Variants in IQCM observed in about 807,000 individuals in gnomAD.
IQCM encodes the protein IQ domain-containing protein M.
In IQCM, 45 loss-of-function variants were observed where a neutral mutation model predicts 57.6. That is an observed-to-expected ratio of 0.78 (90% CI 0.62 to 1.00). The LOEUF is 1.00. Among genes scored for constraint, IQCM ranks in the 50% least tolerant of loss-of-function variants. The pLI is 0.00. For synonymous variants in IQCM, 148 were observed against 158.9 expected (o/e 0.93, Z 0.51); for missense variants, 468 against 511.6 (o/e 0.91, Z 0.82).
intron 12 of IQCM, among the ~76,000 whole-genome samples, chr4:149,479,850 C>G (rs1262576806): frequency 6.6e-6 from 1 of 152,180 alleles, no homozygotes; most frequent in Non-Finnish European, 1.5e-5. Context: ...GAGCCCAAGA[C>G]AGGGGCCCAA....
intron 8 of IQCM, among the ~76,000 whole-genome samples, chr4:149,595,519 GT>G (rs1327345612): frequency 1.3e-5 from 2 of 152,076 alleles, no homozygotes; most frequent in African/African-American, 4.8e-5. Context: ...AAACTGAAGA[GT>G]TTTTTTCTGC....
chr4:149,407,209 C>T (rs967138044), intron 13 of IQCM, among the ~76,000 whole-genome samples: 2 of 152,114 alleles, frequency 1.3e-5, no homozygotes, highest in Non-Finnish European at 2.9e-5. Context: ...ATGGAGGCTA[C>T]AATTCAAGGT....
intron 12 of IQCM, among the ~76,000 whole-genome samples, chr4:149,519,355 C>T (rs2149826363): frequency 6.6e-6 from 1 of 152,340 alleles, no homozygotes; most frequent in East Asian, 1.9e-4. Flanking sequence ...GGCGCGGTGG[C>T]TCACGCCTGT....
chr4:149,409,181 T>C (rs1216545709), intron 13 of IQCM, among the ~76,000 whole-genome samples: 4 of 151,998 alleles, frequency 2.6e-5, no homozygotes, highest in Non-Finnish European at 4.4e-5. Context: ...GATCAGAAAA[T>C]ATTTACTGAA....
chr4:149,537,933 C>T (rs1018576935), intron 12 of IQCM, among the ~76,000 whole-genome samples: 3 of 151,430 alleles, frequency 2.0e-5, no homozygotes, highest in Non-Finnish European at 4.4e-5. Flanking sequence ...GAATACACTG[C>T]CAGAGACCTG....
intron 13 of IQCM, among the ~76,000 whole-genome samples, chr4:149,404,433 A>T (rs1381780427): frequency 6.6e-6 from 1 of 152,020 alleles, no homozygotes; most frequent in Non-Finnish European, 1.5e-5. Flanking sequence ...TGGGCTCTTG[A>T]CTCTCAAACA....
At chr4:149,662,910 T>C (rs756342702) in intron 7 of IQCM, among the ~76,000 whole-genome samples, 21 of 152,028 alleles carry the variant, frequency 1.4e-4, no homozygotes, top group Admixed American at 3.9e-4. Context: ...TTCTACATTA[T>C]TATTGATAGA....
intron 2 of IQCM, among the ~76,000 whole-genome samples, chr4:149,747,466 A>G (rs1580190657): frequency 6.6e-6 from 1 of 152,332 alleles, no homozygotes; most frequent in South Asian, 2.1e-4. Flanking sequence ...AAGTAGTTCT[A>G]ACACCATATT....
intron 12 of IQCM, among the ~76,000 whole-genome samples, chr4:149,469,471 T>A (rs538016670): frequency 6.6e-6 from 1 of 152,274 alleles, no homozygotes; most frequent in East Asian, 1.9e-4. Context: ...TATGGGACTA[T>A]GTGAAAAGAC....
At chr4:149,778,153 G>A (rs977578986) in intron 2 of IQCM, among the ~76,000 whole-genome samples, 3 of 152,200 alleles carry the variant, frequency 2.0e-5, no homozygotes, top group Non-Finnish European at 4.4e-5. Flanking sequence ...AAGGCGGGTG[G>A]ATCACGAGGT....
At chr4:149,586,434 G>A (rs1752650090) in intron 9 of IQCM, among the ~76,000 whole-genome samples, 1 of 151,430 alleles carries the variant, frequency 6.6e-6, no homozygotes. Flanking sequence ...AATGTCTATA[G>A]GATATACAAT....
intron 7 of IQCM, among the ~76,000 whole-genome samples, chr4:149,638,528 C>G (rs1757910769): frequency 6.6e-6 from 1 of 151,708 alleles, no homozygotes; most frequent in Non-Finnish European, 1.5e-5. Context: ...AATTGATACA[C>G]TGTGGTATAG....
chr4:149,572,707 G>C (rs1751279867), intron 9 of IQCM, among the ~76,000 whole-genome samples: 1 of 151,782 alleles, frequency 6.6e-6, no homozygotes, highest in African/African-American at 2.4e-5. Context: ...TTTTTGTTGT[G>C]ATTAGTTAAA....
intron 7 of IQCM, among the ~76,000 whole-genome samples, chr4:149,679,638 T>C (rs1762029142): frequency 6.6e-6 from 1 of 151,460 alleles, no homozygotes; most frequent in African/African-American, 2.4e-5. Context: ...CCAAACTATG[T>C]ACATGTGTTA....
chr4:149,454,282 C>T (rs995246410), intron 12 of IQCM, among the ~76,000 whole-genome samples: 15 of 151,448 alleles, frequency 9.9e-5, no homozygotes, highest in African/African-American at 3.6e-4. Context: ...AAATACTACA[C>T]AGCCATAAAA....
chr4:149,712,159 T>TC (rs34956153), intron 5 of IQCM, among the ~76,000 whole-genome samples: 36,866 of 151,972 alleles, frequency 0.24, 5,053 homozygotes, highest in Non-Finnish European at 0.3. Context: ...GCTCCAGGAT[T>TC]CCAGGGTTCA....
At position 149,422,027 on chromosome 4, in the gene IQCM, C is replaced by G. The variant is rs185668822; in HGVS notation, c.1390+11369G>C. Among the ~76,000 whole-genome samples, 4 of 151,970 alleles carry G rather than the reference C, an allele frequency of 2.6e-5. No individual in the cohort carries two copies. In the East Asian group the frequency reaches 7.8e-4, roughly 30 times the overall value. ...TAATTTAACTGACAGTCAAACAATA[C>G]AGAGGACAACTATAAAAATTCCAAA... On this transcript the variant is annotated intron_variant, in intron 13 of 13. Transcript: ENST00000636793.
At chr4:149,411,628 T>C (rs2111176240) in intron 13 of IQCM, among the ~76,000 whole-genome samples, 1 of 152,276 alleles carries the variant, frequency 6.6e-6, no homozygotes. Context: ...AAGATGTTTT[T>C]CACTAGGTTA....
chr4:149,435,961 A>C (rs1182259888), intron 12 of IQCM, among the ~76,000 whole-genome samples: 1 of 152,164 alleles, frequency 6.6e-6, no homozygotes, highest in Non-Finnish European at 1.5e-5. Flanking sequence ...AAGGTAAAAT[A>C]TAATAAGCTA....
Sources: gnomAD v4.1 joint callset for allele counts (sites outside exome capture counted in the v4.1 genomes callset) on GRCh38, gnomAD v4.1.1 for gene constraint, MANE v1.5 for transcripts, NCBI Gene and HGNC (gene_info 2026-07-23, HGNC 2026-07-21) for gene names.